The following CLPB variants were observed in gnomAD, a reference collection of about 807,000 sequenced individuals.
CLPB encodes the protein ClpB family mitochondrial disaggregase.
In CLPB, 40 loss-of-function variants were observed where a neutral mutation model predicts 78.4. That is an observed-to-expected ratio of 0.51 (90% CI 0.40 to 0.66). The LOEUF (loss-of-function observed/expected upper bound fraction) is 0.66. Among genes scored for constraint, CLPB ranks in the 30% least tolerant of loss-of-function variants. The probability of loss-of-function intolerance (pLI) is 0.00; values close to 1 mark genes in which losing one functional copy is unlikely to be tolerated. For missense variants in CLPB, 780 were observed against 886.9 expected (o/e 0.88, Z 1.53); for synonymous variants, 333 against 348.0 (o/e 0.96, Z 0.48).
chr11:72,318,256 G>A (rs1949985168), intron 6 of CLPB, among the ~76,000 whole-genome samples: 1 of 152,218 alleles, frequency 6.6e-6, no homozygotes, highest in African/African-American at 2.4e-5. Flanking sequence ...GCTAGATGGG[G>A]TGGTGTAGGA....
Position 72,293,319 on chromosome 11 carries a change from G to A in CLPB, c.*48C>T, listed in dbSNP as rs1246499770. 2 of 1,593,340 alleles carry A rather than the reference G, an allele frequency of 1.3e-6. No homozygotes were observed. Among genetic ancestry groups the A allele is most frequent in the Admixed American group, 1.7e-5 (1 of 59,026 alleles). ...AAGTCAGTTGCCATGCCACAGCCAA[G>A]GGGCCTTTATTGGATGGTGAGGGCA... On this transcript the variant is annotated 3_prime_UTR_variant, in exon 16 of 16. Transcript: ENST00000538039.
rs1258562804 is a variant in CLPB at position 72,293,940 on chromosome 11, G to A, written c.1785+82C>T. 7 of 1,222,958 alleles carry A rather than the reference G, an allele frequency of 5.7e-6. No homozygotes were observed. The Admixed American group carries it at 1.4e-4, about 24-fold the overall frequency. The allele number at this position is 1,222,958 out of a possible 1,614,324, so 75.8% of individuals were successfully genotyped here. On this transcript the variant is annotated intron_variant, in intron 15 of 15. Coordinates refer to ENST00000538039, the MANE Select transcript of CLPB (RefSeq NM_001258392.3). ...CAGCAACCAAGCTATAGGGAGGCAG[G>A]CTGAGAGCTCAGGGACTGGGTCTGG...
intron 3 of CLPB, among the ~76,000 whole-genome samples, chr11:72,401,538 G>T (rs1183601019): frequency 6.6e-6 from 1 of 152,190 alleles, no homozygotes; most frequent in African/African-American, 2.4e-5. Context: ...CTAAGAACAA[G>T]TCCACAACAA....
At chr11:72,387,969 T>C (rs1427098608) in intron 3 of CLPB, among the ~76,000 whole-genome samples, 1 of 152,162 alleles carries the variant, frequency 6.6e-6, no homozygotes, top group Admixed American at 6.5e-5. Context: ...CTAGCGTCAC[T>C]AACTGTGCTA....
At chr11:72,405,335 TAGG>T (rs1169451434) in intron 2 of CLPB, among the ~76,000 whole-genome samples, 2 of 152,200 alleles carry the variant, frequency 1.3e-5, no homozygotes, top group African/African-American at 4.8e-5. Flanking sequence ...AATGTCAGAC[TAGG>T]AGGCTAAGGC....
chr11:72,399,390 A>C (rs1013958133), intron 3 of CLPB, among the ~76,000 whole-genome samples: 2 of 152,196 alleles, frequency 1.3e-5, no homozygotes, highest in African/African-American at 4.8e-5. Context: ...ATCTTGATCC[A>C]GTTTTCCCTC....
At chr11:72,420,554 C>A (rs1307124359) in intron 2 of CLPB, among the ~76,000 whole-genome samples, 1 of 151,962 alleles carries the variant, frequency 6.6e-6, no homozygotes, top group African/African-American at 2.4e-5. Context: ...TATTTACATG[C>A]ACAGTGATGA....
intron 5 of CLPB, among the ~76,000 whole-genome samples, chr11:72,334,562 G>A (rs544923900): frequency 2.0e-5 from 3 of 152,296 alleles, no homozygotes; most frequent in South Asian, 2.1e-4. Context: ...CACGACCAAC[G>A]GCCACAAACC....
intron 2 of CLPB, among the ~76,000 whole-genome samples, chr11:72,407,004 T>C (rs540535845): frequency 3.7e-4 from 57 of 152,348 alleles, no homozygotes; most frequent in African/African-American, 1.3e-3. Flanking sequence ...ATAACTCCAT[T>C]GTTTTTAACT....
intron 5 of CLPB, chr11:72,336,496 C>T (rs1950325011): frequency 6.6e-6 from 1 of 152,192 alleles, no homozygotes; most frequent in Admixed American, 6.5e-5. Flanking sequence ...TGCTGCCCTA[C>T]CTACCACCTA....
intron 2 of CLPB, among the ~76,000 whole-genome samples, chr11:72,413,796 G>A (rs1855945954): frequency 6.6e-6 from 1 of 152,086 alleles, no homozygotes; most frequent in Admixed American, 6.6e-5. Context: ...CCTTCAATGT[G>A]GATAACAATT....
chr11:72,342,437 G>C (rs1420238941), intron 5 of CLPB, among the ~76,000 whole-genome samples: 2 of 152,156 alleles, frequency 1.3e-5, no homozygotes, highest in African/African-American at 4.8e-5. Context: ...AGGCAAAGAA[G>C]TGAGGATCCT....
chr11:72,346,654 T>A (rs1950520015), intron 5 of CLPB, among the ~76,000 whole-genome samples: 1 of 151,178 alleles, frequency 6.6e-6, no homozygotes, highest in South Asian at 2.1e-4. Flanking sequence ...CCAACATAAC[T>A]AAGCCTATAA....
chr11:72,383,999 C>T (rs1855000471), intron 3 of CLPB, among the ~76,000 whole-genome samples: 1 of 151,900 alleles, frequency 6.6e-6, no homozygotes, highest in South Asian at 2.1e-4. Flanking sequence ...CAAACAAATA[C>T]AAACATTAGC....
At chr11:72,401,581 A>T (rs1406051413) in intron 3 of CLPB, among the ~76,000 whole-genome samples, 1 of 152,254 alleles carries the variant, frequency 6.6e-6, no homozygotes, top group Non-Finnish European at 1.5e-5. Flanking sequence ...TCTCATGTAC[A>T]GCTAAGTCTC....
Position 72,359,009 on chromosome 11 carries a change from C to G in CLPB, c.647-1G>C. On this transcript the variant is annotated splice_acceptor_variant, in intron 4 of 15. Transcript: ENST00000538039. LOFTEE classifies it high-confidence loss of function. ...AAGTCATCCTCTCGGGTGATCAGGA[C>G]TGGGGAGACAGCAACACAAACCCTT... The G allele has an allele frequency of 1.2e-6, 2 of 1,613,540 alleles. No homozygotes were observed. The highest frequency in any genetic ancestry group is 1.7e-6 in the Non-Finnish European group (2 of 1,179,958).
intron 11 of CLPB, among the ~76,000 whole-genome samples, chr11:72,296,771 G>A (rs965732753): frequency 2.6e-5 from 4 of 152,162 alleles, no homozygotes; most frequent in Admixed American, 2.0e-4. Context: ...CCAGAACAGC[G>A]TCCGGTACAG....
At chr11:72,392,132 C>T (rs1855271895) in intron 3 of CLPB, among the ~76,000 whole-genome samples, 1 of 151,998 alleles carries the variant, frequency 6.6e-6, no homozygotes, top group African/African-American at 2.4e-5. Context: ...GCAGTGATCC[C>T]AGCTCCAGGT....
At chr11:72,311,284 C>A (rs1312608548) in intron 7 of CLPB, among the ~76,000 whole-genome samples, 2 of 152,100 alleles carry the variant, frequency 1.3e-5, no homozygotes, top group Non-Finnish European at 2.9e-5. Flanking sequence ...GGGACAGAGA[C>A]CTGCATGGGC....
Sources: gnomAD v4.1 joint callset for allele counts (sites outside exome capture counted in the v4.1 genomes callset) on GRCh38, gnomAD v4.1.1 for gene constraint, MANE v1.5 for transcripts, NCBI Gene and HGNC (gene_info 2026-07-23, HGNC 2026-07-21) for gene names.